MSANTD5: variants seen among roughly 807,000 people sequenced by gnomAD.
The protein encoded by MSANTD5 is Myb/SANT DNA binding domain containing 5.
chr5:178,694,054 C>T (rs903598696), downstream of MSANTD5, among the ~76,000 whole-genome samples: 1 of 151,974 alleles, frequency 6.6e-6, no homozygotes, highest in African/African-American at 2.4e-5. Context: ...CAGTGGCTCA[C>T]GCCTGTAATC....
At chr5:178,698,387 C>T (rs1363512113), upstream of MSANTD5, among the ~76,000 whole-genome samples, 2 of 152,120 alleles carry the variant, frequency 1.3e-5, no homozygotes, top group African/African-American at 4.8e-5. Context: ...GTGAGGGAAG[C>T]AACTCCTAGG....
downstream of MSANTD5, among the ~76,000 whole-genome samples, chr5:178,692,440 G>A (rs954683817): frequency 3.3e-5 from 5 of 151,662 alleles, no homozygotes; most frequent in African/African-American, 7.3e-5. Context: ...GTACCCCTGG[G>A]TATTTATCCC....
chr5:178,703,457 T>A, the MSANTD5 span, among the ~76,000 whole-genome samples: 1 of 152,218 alleles, frequency 6.6e-6, no homozygotes, highest in Non-Finnish European at 1.5e-5. Flanking sequence ...TCAAGCCTAA[T>A]GGTCCAGTAT....
chr5:178,705,127 C>T, the MSANTD5 span, among the ~76,000 whole-genome samples: 3 of 152,108 alleles, frequency 2.0e-5, no homozygotes, highest in African/African-American at 7.2e-5. Flanking sequence ...TGGCTCACTA[C>T]AGCCTCTGCC....
intron 3 of MSANTD5, 109 bp from the exon 4 acceptor site, chr5:178,695,056 G>A (rs1442394175): frequency 2.0e-5 from 3 of 152,250 alleles, no homozygotes; most frequent in Non-Finnish European, 4.4e-5. Flanking sequence ...TTCTGAACAA[G>A]TCCACGAACA....
At chr5:178,696,696 G>C (rs1470161573) in intron 1 of MSANTD5, among the ~76,000 whole-genome samples, 1 of 152,086 alleles carries the variant, frequency 6.6e-6, no homozygotes, top group Non-Finnish European at 1.5e-5. Flanking sequence ...AGCAGGGAGA[G>C]GGAAATCAAG....
At chr5:178,703,737 C>T in the MSANTD5 span, among the ~76,000 whole-genome samples, 1 of 152,050 alleles carries the variant, frequency 6.6e-6, no homozygotes, top group African/African-American at 2.4e-5. Flanking sequence ...AATTCCAGCA[C>T]TTTGGGAGGC....
chr5:178,702,304 T>C (rs1465355683), upstream of MSANTD5, among the ~76,000 whole-genome samples: 3 of 143,948 alleles, frequency 2.1e-5, no homozygotes, highest in East Asian at 3.9e-4. Flanking sequence ...TTTTTTTCTT[T>C]TTTTTTTTTT....
At chr5:178,697,319 T>G (rs1278428781) in intron 1 of MSANTD5, among the ~76,000 whole-genome samples, 1 of 151,456 alleles carries the variant, frequency 6.6e-6, no homozygotes, top group Non-Finnish European at 1.5e-5. Flanking sequence ...CCGGGCGTGG[T>G]GGCGGGCGCC....
At chr5:178,696,396 G>T (rs1765412627) in intron 1 of MSANTD5, among the ~76,000 whole-genome samples, 1 of 151,930 alleles carries the variant, frequency 6.6e-6, no homozygotes, top group Non-Finnish European at 1.5e-5. Flanking sequence ...CTAATATTTG[G>T]TGTTTTTTTA....
At chr5:178,693,635 C>T (rs187173620), downstream of MSANTD5, among the ~76,000 whole-genome samples, 209 of 152,144 alleles carry the variant, frequency 1.4e-3, no homozygotes, top group Admixed American at 4.1e-3. Flanking sequence ...GAAAGAGGAC[C>T]TGAGCACCTT....
intron 1 of MSANTD5, among the ~76,000 whole-genome samples, chr5:178,697,365 A>G (rs971205210): frequency 6.6e-6 from 1 of 151,984 alleles, no homozygotes; most frequent in Admixed American, 6.6e-5. Flanking sequence ...GAGGCAGGAG[A>G]ATGGCCTGAA....
At chr5:178,696,313 C>G (rs191223816) in intron 1 of MSANTD5, 132 bp from the exon 2 acceptor site, 1 of 152,078 alleles carries the variant, frequency 6.6e-6, no homozygotes, top group Admixed American at 6.5e-5. Context: ...ACTTCTGCCT[C>G]CTGGGTTCAA....
At chr5:178,697,321 G>C (rs1319454140) in intron 1 of MSANTD5, among the ~76,000 whole-genome samples, 1 of 151,610 alleles carries the variant, frequency 6.6e-6, no homozygotes. Flanking sequence ...GGGCGTGGTG[G>C]CGGGCGCCTG....
At chr5:178,696,643 T>G (rs1396409405) in intron 1 of MSANTD5, among the ~76,000 whole-genome samples, 1 of 152,116 alleles carries the variant, frequency 6.6e-6, no homozygotes, top group East Asian at 1.9e-4. Context: ...TTGGGGCTCC[T>G]GCAAGTACCC....
At chr5:178,695,922 G>A (rs552058811) in intron 2 of MSANTD5, among the ~76,000 whole-genome samples, 175 bp downstream of exon 2, 2 of 152,260 alleles carry the variant, frequency 1.3e-5, no homozygotes, top group East Asian at 3.9e-4. Flanking sequence ...CATCCCTGTG[G>A]GGCCTTTTAC....
the MSANTD5 span, among the ~76,000 whole-genome samples, chr5:178,702,838 C>G: frequency 6.6e-6 from 1 of 152,164 alleles, no homozygotes; most frequent in Non-Finnish European, 1.5e-5. Flanking sequence ...ACCTCGTGAT[C>G]TGTCCGCCTC....
the MSANTD5 span, among the ~76,000 whole-genome samples, chr5:178,704,949 G>T: frequency 6.6e-6 from 1 of 152,186 alleles, no homozygotes. Context: ...TCGCTGTGCC[G>T]GACGGGAGCA....
chr5:178,693,818 C>T (rs1409660011), downstream of MSANTD5, among the ~76,000 whole-genome samples: 1 of 151,910 alleles, frequency 6.6e-6, no homozygotes, highest in African/African-American at 2.4e-5. Context: ...TTACAATCCT[C>T]TAGCTAGTCA....
Sources: allele counts gnomAD v4.1 joint callset (sites outside exome capture counted in the v4.1 genomes callset), GRCh38; gene constraint gnomAD v4.1.1; transcripts MANE v1.5; gene names NCBI Gene and HGNC (gene_info 2026-07-23, HGNC 2026-07-21).